The following PRKAR1B variants were observed in gnomAD, a reference collection of about 807,000 sequenced individuals.
PRKAR1B encodes the protein protein kinase cAMP-dependent type I regulatory subunit beta, also known as cAMP-dependent protein kinase type I-beta regulatory subunit.
Under a neutral mutation model 46.5 loss-of-function variants are expected in PRKAR1B, and 22 were observed. The ratio of observed to expected loss-of-function variants is 0.47; its 90% CI spans 0.34 to 0.68. PRKAR1B has a LOEUF of 0.68. Among genes scored for constraint, PRKAR1B ranks in the 30% least tolerant of loss-of-function variants. The pLI, the probability that PRKAR1B is intolerant of heterozygous loss-of-function variation, is 0.01. For missense variants in PRKAR1B, 445 were observed against 535.6 expected, an observed-to-expected ratio of 0.83 and a Z score of 1.67; for synonymous variants, 259 against 217.7, an observed-to-expected ratio of 1.19 and a Z score of -1.67.
At chr7:716,299 C>G (rs1239830991) in intron 1 of PRKAR1B, among the ~76,000 whole-genome samples, 1 of 150,978 alleles carries the variant, frequency 6.6e-6, no homozygotes, top group Non-Finnish European at 1.5e-5. Flanking sequence ...CTCCAACAAT[C>G]CTCCCACCAG....
At chr7:712,808 C>A (rs936635586) in intron 1 of PRKAR1B, 1 of 151,522 alleles carries the variant, frequency 6.6e-6, no homozygotes, top group Non-Finnish European at 1.5e-5. Context: ...CCCCCACTCC[C>A]GCCCCGTTCA....
At chr7:605,220 A>G (rs28368508) in intron 6 of PRKAR1B, among the ~76,000 whole-genome samples, 104,568 of 152,194 alleles carry the variant, frequency 0.69, 36,608 homozygotes, top group South Asian at 0.88. Flanking sequence ...AGGGAGGATG[A>G]TGTCACTGAG....
In PRKAR1B at chr7:706,032, G is replaced by T. The variant is rs189116232; in HGVS notation, c.177+5297C>A. On this transcript the variant is annotated intron_variant, in intron 2 of 10. Coordinates refer to ENST00000537384, the MANE Select transcript of PRKAR1B (RefSeq NM_001164760.2). ...CAAGAGTAAAACTCTGTCTCGAAAA[G>T]AAAAACAGATGAGCCGGGCGTGGTG... Among the ~76,000 whole-genome samples, 205 of 149,278 alleles carry T rather than the reference G, an allele frequency of 1.4e-3. 1 individual carries two copies. The highest frequency in any genetic ancestry group is 4.7e-3 in the African/African-American group (189 of 40,602).
At position 550,137 on chromosome 7, in the gene PRKAR1B, T is replaced by G. The variant is rs950132911; in HGVS notation, c.*293A>C. On this transcript the variant is annotated 3_prime_UTR_variant, in exon 11 of 11. Transcript: ENST00000537384. Reference sequence around the variant, plus strand: ...CTCCAGGAGACTGGCAGGGGTGGGGTGGGCCCCCCAGGAGAAGCCCACAGA... The same window carrying G: ...CTCCAGGAGACTGGCAGGGGTGGGGGGGGCCCCCCAGGAGAAGCCCACAGA... The G allele has an allele frequency of 1.0e-5, 4 of 393,292 alleles. No homozygotes were observed. Among genetic ancestry groups the G allele is most frequent in the Non-Finnish European group, 1.4e-5 (3 of 213,970 alleles). 24.4% of individuals were successfully genotyped at this position (393,292 alleles called of 1,614,324 possible).
chr7:624,363 G>A (rs764138761), intron 4 of PRKAR1B, among the ~76,000 whole-genome samples: 24 of 152,218 alleles, frequency 1.6e-4, no homozygotes, highest in East Asian at 5.8e-4. Context: ...AATCCAGAAG[G>A]TGGGGGTTGC....
intron 4 of PRKAR1B, among the ~76,000 whole-genome samples, chr7:669,867 A>ATTTTTTTTTTTTTTTTT (rs570284003): frequency 7.6e-6 from 1 of 131,438 alleles, no homozygotes; most frequent in Non-Finnish European, 1.6e-5. Context: ...CACGTGCCAT[A>ATTTTTTTTTTTTTTTTT]TTTTTTTTTT....
intron 7 of PRKAR1B, among the ~76,000 whole-genome samples, chr7:591,670 C>T (rs1260801859): frequency 6.6e-6 from 1 of 152,082 alleles, no homozygotes; most frequent in Non-Finnish European, 1.5e-5. Context: ...GGCAACATAT[C>T]AAGACTTCAC....
intron 4 of PRKAR1B, among the ~76,000 whole-genome samples, chr7:631,679 C>T (rs1274936314): frequency 2.3e-4 from 35 of 152,182 alleles, no homozygotes; most frequent in Admixed American, 2.2e-3. Context: ...GGATGCCAGA[C>T]GCGGTGCCTC....
intron 7 of PRKAR1B, among the ~76,000 whole-genome samples, chr7:590,883 C>T (rs1780932498): frequency 6.6e-6 from 1 of 152,220 alleles, no homozygotes; most frequent in Non-Finnish European, 1.5e-5. Flanking sequence ...CGAGCCCAGG[C>T]CCGTCGGCAG....
chr7:676,652 T>G (rs1778324079), intron 4 of PRKAR1B, among the ~76,000 whole-genome samples: 1 of 152,206 alleles, frequency 6.6e-6, no homozygotes, highest in Non-Finnish European at 1.5e-5. Context: ...GCATAGTATT[T>G]CGGGAAGCCA....
intron 4 of PRKAR1B, among the ~76,000 whole-genome samples, chr7:613,804 C>A (rs1383530891): frequency 6.6e-6 from 1 of 152,250 alleles, no homozygotes; most frequent in Admixed American, 6.5e-5. Flanking sequence ...CGAGCCAAGA[C>A]AAGCGCAGGT....
intron 4 of PRKAR1B, among the ~76,000 whole-genome samples, chr7:629,444 G>T (rs1405450607): frequency 1.7e-5 from 2 of 120,362 alleles, no homozygotes; most frequent in Non-Finnish European, 3.5e-5. Flanking sequence ...GCGGGGCCAC[G>T]GCCTCCGAGG....
At chr7:718,301 CAT>C (rs1780953725) in intron 1 of PRKAR1B, among the ~76,000 whole-genome samples, 2 of 146,778 alleles carry the variant, frequency 1.4e-5, no homozygotes, top group Admixed American at 6.9e-5. Context: ...CACACATACA[CAT>C]ATATACATAC....
At chr7:685,402 G>GTA (rs1779043003) in intron 2 of PRKAR1B, among the ~76,000 whole-genome samples, 1 of 36,938 alleles carries the variant, frequency 2.7e-5, no homozygotes, top group Admixed American at 2.4e-4. Flanking sequence ...ATATATATAT[G>GTA]TATATATATA....
Position 646,563 on chromosome 7 carries a change from G to A in PRKAR1B, c.440+30666C>T, listed in dbSNP as rs964618288. 9.2e-5 allele frequency among the ~76,000 whole-genome samples: 14 copies of A among 152,216 alleles called. No homozygotes were observed. In the East Asian group the frequency reaches 2.5e-3, roughly 27 times the overall value. Reference sequence around the variant, plus strand: ...AGTAACTGAAAGAAGAGCGGAGCTCGTTTCCTAATGGGGCTGCGTGCAGAA... The same window carrying A: ...AGTAACTGAAAGAAGAGCGGAGCTCATTTCCTAATGGGGCTGCGTGCAGAA... On this transcript the variant is annotated intron_variant, in intron 4 of 10. Coordinates refer to ENST00000537384, the MANE Select transcript of PRKAR1B (RefSeq NM_001164760.2).
rs775816536 is a variant in PRKAR1B at position 711,346 on chromosome 7, A to T, written c.160T>A (p.Phe54Ile). 1.8e-5 allele frequency: 29 copies of T among 1,614,012 alleles called. No individual in the cohort carries two copies. The highest frequency in any genetic ancestry group is 2.4e-5 in the Non-Finnish European group (28 of 1,179,994). Residue 54 changes from phenylalanine to isoleucine, a missense_variant, in exon 2 of 11, where the codon TTC (phenylalanine) becomes ATC (isoleucine). Physicochemically the swap from Phe to Ile is conservative, Grantham distance 21. Transcript: ENST00000537384. ...CCACTCACCTTCTCCAGCTTCTCGA[A>T]GTGCTCCCGGAGGAACTTCATGGGG... ...ERPMKFLREHFEKLEKEENRQ... is the reference protein window; with the variant it reads ...ERPMKFLREHIEKLEKEENRQ...
chr7:586,085 A>T lies in PRKAR1B; in HGVS notation c.709-1517T>A, dbSNP rs757907453. On this transcript the variant is annotated intron_variant, in intron 7 of 10. Coordinates refer to ENST00000537384, the MANE Select transcript of PRKAR1B (RefSeq NM_001164760.2). ...ATGTGGAGATGATGGCTGGGGCTGC[A>T]GCAGCCATCCTGGGCCCCTGAGGAG... Among the ~76,000 whole-genome samples, 2 of 152,220 alleles carry T rather than the reference A, an allele frequency of 1.3e-5. 1 individual carries two copies. The highest frequency in any genetic ancestry group is 3.9e-4 in the East Asian group (2 of 5,170).
intron 2 of PRKAR1B, among the ~76,000 whole-genome samples, chr7:681,070 TAGTG>T (rs1264466801): frequency 2.0e-5 from 3 of 152,138 alleles, no homozygotes; most frequent in Admixed American, 6.6e-5. Context: ...GTTCTCGTGA[TAGTG>T]AGGGAGTTTT....
chr7:680,761 G>A (rs1331169502), intron 2 of PRKAR1B, 35 bp from the exon 3 acceptor site: 1 of 1,612,676 alleles, frequency 6.2e-7, no homozygotes, highest in South Asian at 1.1e-5. Flanking sequence ...AAGGAAGTAA[G>A]AACCTGGCTG....
Sources: gnomAD v4.1 joint callset for allele counts (sites outside exome capture counted in the v4.1 genomes callset) on GRCh38, gnomAD v4.1.1 for gene constraint, MANE v1.5 for transcripts, NCBI Gene and HGNC (gene_info 2026-07-23, HGNC 2026-07-21) for gene names.